The following NPTN variants were observed in gnomAD, a reference collection of about 807,000 sequenced individuals.
NPTN encodes the protein SDR-1.
In NPTN, 5 loss-of-function variants were observed where a neutral mutation model predicts 42.7. That is an observed-to-expected ratio of 0.12 (90% CI 0.06 to 0.25). NPTN has a LOEUF of 0.25. Among genes scored for constraint, NPTN ranks in the 10% least tolerant of loss-of-function variants. The probability of loss-of-function intolerance (pLI) is 1.00; values close to 1 mark genes in which losing one functional copy is unlikely to be tolerated. For missense variants in NPTN, 307 were observed against 525.4 expected (o/e 0.58, Z 4.06); for synonymous variants, 180 against 201.9 (o/e 0.89, Z 0.92).
At chr15:73,578,612 T>C (rs1895819768) in intron 4 of NPTN, among the ~76,000 whole-genome samples, 1 of 152,168 alleles carries the variant, frequency 6.6e-6, no homozygotes, top group Non-Finnish European at 1.5e-5. Flanking sequence ...TTTGTTTTGT[T>C]AAAAGACTGA....
At chr15:73,608,521 C>T (rs897866427) in intron 1 of NPTN, among the ~76,000 whole-genome samples, 10 of 152,074 alleles carry the variant, frequency 6.6e-5, no homozygotes, top group Admixed American at 2.0e-4. Context: ...TTTTTGAGTG[C>T]TATTATATGT....
At chr15:73,632,130 G>A (rs553283900) in intron 1 of NPTN, among the ~76,000 whole-genome samples, 1 of 152,012 alleles carries the variant, frequency 6.6e-6, no homozygotes, top group African/African-American at 2.4e-5. Context: ...TTTCCCAAAG[G>A]CCCGACCAAT....
intron 6 of NPTN, chr15:73,565,825 T>C (rs1307546205): frequency 2.2e-6 from 1 of 456,044 alleles, no homozygotes; most frequent in South Asian, 1.5e-5. Context: ...CCCAACCGAA[T>C]GGACCACAGC....
chr15:73,633,061 C>T, intron 1 of NPTN, 64 bp downstream of exon 1: 1 of 1,189,168 alleles, frequency 8.4e-7, no homozygotes, highest in Non-Finnish European at 1.1e-6. Flanking sequence ...AGGCCAGAGC[C>T]GGGCCCCCTC....
intron 6 of NPTN, among the ~76,000 whole-genome samples, chr15:73,565,944 T>C (rs1894973083): frequency 6.6e-6 from 1 of 152,144 alleles, no homozygotes; most frequent in Non-Finnish European, 1.5e-5. Flanking sequence ...GGCTTTAAAG[T>C]CCGAATAATG....
intron 1 of NPTN, among the ~76,000 whole-genome samples, chr15:73,616,211 T>A (rs1897855166): frequency 2.0e-5 from 3 of 152,132 alleles, no homozygotes; most frequent in Admixed American, 2.0e-4. Flanking sequence ...ACCAAGTACA[T>A]TATGAACCAA....
intron 1 of NPTN, among the ~76,000 whole-genome samples, chr15:73,631,822 A>T (rs1216932511): frequency 6.6e-6 from 1 of 152,222 alleles, no homozygotes; most frequent in Non-Finnish European, 1.5e-5. Flanking sequence ...CTTGTGAAAG[A>T]TCAATTCAGC....
At chr15:73,561,241 C>T (rs561258295) in intron 8 of NPTN, among the ~76,000 whole-genome samples, 193 bp from the exon 9 acceptor site, 6 of 152,258 alleles carry the variant, frequency 3.9e-5, no homozygotes, top group Non-Finnish European at 5.9e-5. Context: ...TGCCCCCAGA[C>T]GTGAGGTAAG....
chr15:73,610,846 A>G (rs191500967), intron 1 of NPTN, among the ~76,000 whole-genome samples: 1 of 152,348 alleles, frequency 6.6e-6, no homozygotes, highest in Admixed American at 6.5e-5. Flanking sequence ...CAGGCAACTG[A>G]ACAAGAGACT....
intron 4 of NPTN, among the ~76,000 whole-genome samples, 190 bp from the exon 5 acceptor site, chr15:73,573,985 C>T (rs923615838): frequency 2.0e-5 from 3 of 152,194 alleles, no homozygotes; most frequent in Non-Finnish European, 4.4e-5. Flanking sequence ...CTACCCCCCA[C>T]CCGCTAAAGA....
intron 1 of NPTN, among the ~76,000 whole-genome samples, chr15:73,627,895 G>T (rs893440538): frequency 6.6e-6 from 1 of 151,894 alleles, no homozygotes; most frequent in Non-Finnish European, 1.5e-5. Context: ...AAGAAGTTTT[G>T]TTATGTATAT....
At chr15:73,578,446 T>C (rs374437960) in intron 4 of NPTN, among the ~76,000 whole-genome samples, 2 of 152,198 alleles carry the variant, frequency 1.3e-5, no homozygotes, top group East Asian at 1.9e-4. Flanking sequence ...TGAGTTAACA[T>C]ATTTGCTAAT....
At chr15:73,563,172 TA>T (rs1212619809) in intron 7 of NPTN, 63 bp downstream of exon 7, 2 of 1,185,248 alleles carry the variant, frequency 1.7e-6, no homozygotes, top group Admixed American at 1.7e-5. Context: ...TCCATTTGAT[TA>T]AACTGCAAAC....
chr15:73,585,507 A>T lies in NPTN; in HGVS notation c.706+2017T>A, dbSNP rs893321336. Among the ~76,000 whole-genome samples the T allele has an allele frequency of 3.3e-5, 5 of 152,240 alleles. No homozygotes were observed. The East Asian group carries it at 7.7e-4, about 23-fold the overall frequency. On this transcript the variant is annotated intron_variant, in intron 4 of 8. Transcript: ENST00000345330. ...ATCCTGGGCCTATGGCAAACCTTTT[A>T]AAACTTATACAGAAAAAGCGAAGTG...
intron 4 of NPTN, among the ~76,000 whole-genome samples, chr15:73,577,032 T>C (rs1895737304): frequency 1.3e-5 from 2 of 152,354 alleles, no homozygotes; most frequent in East Asian, 1.9e-4. Context: ...TCTAAATTCT[T>C]TGTGGGTTGG....
chr15:73,569,387 G>A lies in NPTN; in HGVS notation c.1114+763C>T. 1.0e-6 allele frequency: 1 copy of A among 985,594 alleles called. No individual in the cohort carries two copies. The highest frequency in any genetic ancestry group is 1.2e-6 in the Non-Finnish European group (1 of 830,064). The allele number at this position is 985,594 out of a possible 1,614,324, so 61.1% of individuals were successfully genotyped here. A position where few individuals can be genotyped will look rare whatever the true frequency, so the allele number is the denominator to read the frequency against. On this transcript the variant is annotated intron_variant, in intron 6 of 8. Coordinates refer to ENST00000345330, the MANE Select transcript of NPTN (RefSeq NM_012428.4). This position sits in a 1 kb window ranked among gnomAD's most constrained non-coding sequence, Gnocchi z 4.1. ...GCTCTTGCTCTTTCCAGTGCTCAGTGGTGTGCTGTGGTTCTGCTGCTACCA... is the reference window on the plus strand; with the variant it reads ...GCTCTTGCTCTTTCCAGTGCTCAGTAGTGTGCTGTGGTTCTGCTGCTACCA...
intron 3 of NPTN, among the ~76,000 whole-genome samples, chr15:73,590,123 C>T (rs1016361179): frequency 3.9e-5 from 6 of 152,036 alleles, no homozygotes; most frequent in African/African-American, 1.4e-4. Flanking sequence ...TCTCCCCACA[C>T]CATTCCCTTG....
At chr15:73,567,447 T>C (rs1895095436) in intron 6 of NPTN, 1 of 985,286 alleles carries the variant, frequency 1.0e-6, no homozygotes, top group Admixed American at 6.1e-5. Flanking sequence ...AATGTACCTC[T>C]TCGTTTATTC....
intron 6 of NPTN, chr15:73,567,097 CATACTT>C (rs1015113755): frequency 1.2e-5 from 12 of 972,522 alleles, no homozygotes; most frequent in Admixed American, 6.8e-5. Context: ...TCTAGTGAAA[CATACTT>C]AAACTAAACT....
Sources: allele counts gnomAD v4.1 joint callset (sites outside exome capture counted in the v4.1 genomes callset), GRCh38; gene constraint gnomAD v4.1.1; non-coding constraint Gnocchi (gnomAD v3.1); transcripts MANE v1.5; gene names NCBI Gene and HGNC (gene_info 2026-07-23, HGNC 2026-07-21).